ADK: variants seen among roughly 807,000 people sequenced by gnomAD.
The protein encoded by ADK is N6,N6-dimethyladenosine kinase.
In ADK, 24 loss-of-function variants were observed where a neutral mutation model predicts 44.7. The ratio of observed to expected loss-of-function variants is 0.54; its 90% CI spans 0.39 to 0.76. The LOEUF (loss-of-function observed/expected upper bound fraction) is 0.76, where lower values mean the gene tolerates loss of function less well. Among genes scored for constraint, ADK ranks in the 30% least tolerant of loss-of-function variants. The pLI is 0.00. For synonymous variants in ADK, 128 were observed against 142.6 expected (o/e 0.90, Z 0.73); for missense variants, 321 against 425.1 (o/e 0.76, Z 2.15).
intron 3 of ADK, among the ~76,000 whole-genome samples, chr10:74,268,413 GT>G (rs1846299028): frequency 6.7e-6 from 1 of 149,188 alleles, no homozygotes; most frequent in African/African-American, 2.5e-5. Context: ...ACTAGAATTT[GT>G]TTTTACTTTA....
chr10:74,536,684 C>A (rs1170670556), intron 7 of ADK, among the ~76,000 whole-genome samples: 1 of 151,810 alleles, frequency 6.6e-6, no homozygotes, highest in African/African-American at 2.4e-5. Flanking sequence ...CCTTCCTCCT[C>A]ACCCTTGGTA....
intron 10 of ADK, among the ~76,000 whole-genome samples, chr10:74,707,434 G>A (rs1856642478): frequency 6.6e-6 from 1 of 151,968 alleles, no homozygotes; most frequent in South Asian, 2.1e-4. Flanking sequence ...AGTAGAGACG[G>A]TGTTTCACCA....
intron 6 of ADK, among the ~76,000 whole-genome samples, chr10:74,419,663 C>T (rs1308826423): frequency 6.6e-6 from 1 of 152,108 alleles, no homozygotes; most frequent in East Asian, 1.9e-4. Context: ...ATTTTTGCTA[C>T]CCTTGGGCTA....
chr10:74,338,813 G>A (rs1407176748), intron 4 of ADK, among the ~76,000 whole-genome samples: 1 of 152,154 alleles, frequency 6.6e-6, no homozygotes, highest in African/African-American at 2.4e-5. Context: ...GCAGGAGAGG[G>A]CTTCTTTGTG....
intron 3 of ADK, 111 bp from the exon 4 acceptor site, chr10:74,314,552 TAAAC>T (rs928195106): frequency 8.6e-6 from 6 of 700,214 alleles, no homozygotes; most frequent in African/African-American, 7.1e-5. Context: ...TCAACATACT[TAAAC>T]AATAAAAACA....
chr10:74,395,280 T>G (rs916088919), intron 5 of ADK, among the ~76,000 whole-genome samples: 3 of 152,150 alleles, frequency 2.0e-5, no homozygotes, highest in African/African-American at 7.2e-5. Flanking sequence ...ACCACGACCT[T>G]GCTCCATTTC....
intron 6 of ADK, among the ~76,000 whole-genome samples, chr10:74,404,141 G>C (rs1843821502): frequency 6.6e-6 from 1 of 151,252 alleles, no homozygotes; most frequent in South Asian, 2.1e-4. Context: ...CAAAGTTCTG[G>C]GATTACAGGC....
At chr10:74,373,803 A>G (rs1328558413) in intron 4 of ADK, among the ~76,000 whole-genome samples, 1 of 152,220 alleles carries the variant, frequency 6.6e-6, no homozygotes, top group Non-Finnish European at 1.5e-5. Flanking sequence ...GCTCCTAGGT[A>G]TATACACAAG....
At chr10:74,573,417 G>A (rs1009486297) in intron 7 of ADK, among the ~76,000 whole-genome samples, 1 of 152,198 alleles carries the variant, frequency 6.6e-6, no homozygotes, top group African/African-American at 2.4e-5. Context: ...GCCCCTACTG[G>A]GGGATGCCTC....
chr10:74,242,231 CCTTTA>C (rs200281091), intron 3 of ADK, among the ~76,000 whole-genome samples: 12 of 152,226 alleles, frequency 7.9e-5, no homozygotes, highest in East Asian at 7.7e-4. Context: ...ATGTTTAATT[CCTTTA>C]CTTTAAGAAA....
intron 10 of ADK, among the ~76,000 whole-genome samples, chr10:74,706,912 T>G (rs1007332144): frequency 6.6e-6 from 1 of 152,166 alleles, no homozygotes; most frequent in Non-Finnish European, 1.5e-5. Flanking sequence ...TTTCTCAGCA[T>G]TGTTTTGTCA....
chr10:74,496,645 T>A (rs888535845), intron 6 of ADK, among the ~76,000 whole-genome samples: 7 of 152,212 alleles, frequency 4.6e-5, no homozygotes, highest in African/African-American at 1.4e-4. Flanking sequence ...GTTTTTAATT[T>A]TTTTGTAGAC....
At chr10:74,593,126 T>C (rs1399932377) in intron 8 of ADK, among the ~76,000 whole-genome samples, 4 of 152,196 alleles carry the variant, frequency 2.6e-5, no homozygotes, top group Admixed American at 2.6e-4. Flanking sequence ...GTGCAATGAA[T>C]GATCACTCAG....
At chr10:74,274,747 T>TACATATATATATATATATATATATATAC (rs1846599913) in intron 3 of ADK, among the ~76,000 whole-genome samples, 1 of 95,306 alleles carries the variant, frequency 1.0e-5, no homozygotes, top group African/African-American at 3.6e-5. Flanking sequence ...TATATATATA[T>TACATATATATATATATATATATATATAC]ACACACACAC....
chr10:74,158,183 T>C lies in ADK; in HGVS notation c.65+6840T>C, dbSNP rs1237841629. Among the ~76,000 whole-genome samples the C allele has an allele frequency of 2.0e-5, 3 of 152,104 alleles. No homozygotes were observed. In the East Asian group the frequency reaches 5.8e-4, roughly 29 times the overall value. Reference sequence around the variant, plus strand: ...TCTTTAGGTGGAAGAATTATGAGGTTTAAAAAAAAACTTGTATTTTCCAAT... The same window carrying C: ...TCTTTAGGTGGAAGAATTATGAGGTCTAAAAAAAAACTTGTATTTTCCAAT... On this transcript the variant is annotated intron_variant, in intron 1 of 10. Transcript: ENST00000539909.
intron 6 of ADK, among the ~76,000 whole-genome samples, chr10:74,454,383 A>G (rs1295707361): frequency 6.6e-6 from 1 of 151,582 alleles, no homozygotes; most frequent in Non-Finnish European, 1.5e-5. Context: ...TGGTGTTTTT[A>G]TACTTTTTAT....
intron 2 of ADK, among the ~76,000 whole-genome samples, chr10:74,203,528 T>A (rs867418423): frequency 7.9e-5 from 12 of 152,014 alleles, no homozygotes; most frequent in East Asian, 1.9e-4. Context: ...CTAGCTATTT[T>A]AAATTTTTTT....
chr10:74,260,550 C>A (rs1348903478), intron 3 of ADK, among the ~76,000 whole-genome samples: 2 of 152,182 alleles, frequency 1.3e-5, no homozygotes, highest in Non-Finnish European at 2.9e-5. Flanking sequence ...CTGTGCCCAG[C>A]CTTAGAAATT....
Position 74,600,438 on chromosome 10 carries a change from G to A in ADK, c.822G>A (p.Lys274=). Residue 274 remains lysine, a synonymous_variant, in exon 9 of 11, where the codon AAG becomes AAA. Coordinates refer to ENST00000539909, the MANE Select transcript of ADK (RefSeq NM_006721.4). The part of the protein sequence containing the change: ...KTQALPKMNS[K]RQRIVIFTQG... ...AAGCCCTGCCAAAGATGAACTCAAA[G>A]AGGCAGCGAATCGTGATCTTCACCC... The A allele has an allele frequency of 6.2e-7, 1 of 1,611,618 alleles. No individual in the cohort carries two copies. Among genetic ancestry groups the A allele is most frequent in the Non-Finnish European group, 8.5e-7 (1 of 1,178,684 alleles).
Sources: gnomAD v4.1 joint callset for allele counts (sites outside exome capture counted in the v4.1 genomes callset) on GRCh38, gnomAD v4.1.1 for gene constraint, MANE v1.5 for transcripts, NCBI Gene and HGNC (gene_info 2026-07-23, HGNC 2026-07-21) for gene names.